The following HDHD5 variants were observed in gnomAD, a reference collection of about 807,000 sequenced individuals.
HDHD5 encodes haloacid dehalogenase-like hydrolase domain-containing 5.
HDHD5 carries 34 observed loss-of-function variants against 35.5 expected under a neutral mutation model. The ratio of observed to expected loss-of-function variants is 0.96; its 90% confidence interval spans 0.73 to 1.28. The LOEUF (loss-of-function observed/expected upper bound fraction) is 1.28. Among genes scored for constraint, HDHD5 ranks in the 50% most tolerant of loss-of-function variants. HDHD5 has a pLI of 0.00. For missense variants in HDHD5, 589 were observed against 560.2 expected, an observed-to-expected ratio of 1.05 and a Z score of -0.52; for synonymous variants, 248 against 240.6, an observed-to-expected ratio of 1.03 and a Z score of -0.29.
At chr22:17,153,917 G>A (rs1054613516) in intron 1 of HDHD5, among the ~76,000 whole-genome samples, 7 of 152,128 alleles carry the variant, frequency 4.6e-5, no homozygotes, top group South Asian at 2.1e-4. Flanking sequence ...TTTTTGTGGC[G>A]TGATCTTGGC....
chr22:17,152,114 T>C (rs1468638541), intron 1 of HDHD5, among the ~76,000 whole-genome samples: 6 of 152,084 alleles, frequency 3.9e-5, no homozygotes, highest in South Asian at 2.1e-4. Context: ...CACTAAGAGA[T>C]AGGCCCACAC....
At chr22:17,141,650 T>G (rs2061602411) in intron 5 of HDHD5, 3 of 1,024,698 alleles carry the variant, frequency 2.9e-6, no homozygotes, top group Non-Finnish European at 3.5e-6. Flanking sequence ...ACAGGGGGTG[T>G]GGAGTGATAG....
In HDHD5 at chr22:17,159,180, A is replaced by AGCCGCGCGC; in HGVS notation, c.63_71dup (p.Arg22_Ala24dup). The stretch of plus-strand genomic sequence containing the variant: ...GGGCGGGGCGGCCCTGGAGCCCCGC[A>AGCCGCGCGC]GCCGCGCGCGCCGCCCGCCAGCAAA... On this transcript the variant is annotated inframe_insertion, in exon 1 of 8. Coordinates refer to ENST00000336737, the MANE Select transcript of HDHD5 (RefSeq NM_033070.3). The AGCCGCGCGC allele has an allele frequency of 8.2e-7, 1 of 1,213,986 alleles. No homozygotes were observed. The highest frequency in any genetic ancestry group is 1.0e-6 in the Non-Finnish European group (1 of 975,688). 75.2% of individuals were successfully genotyped at this position (1,213,986 alleles called of 1,614,324 possible).
chr22:17,145,410 ATC>A (rs2061651026), intron 3 of HDHD5, among the ~76,000 whole-genome samples: 2 of 152,184 alleles, frequency 1.3e-5, no homozygotes, highest in Admixed American at 1.3e-4. Context: ...GCACATAAGA[ATC>A]TCTGTCCCCA....
rs542664494 is a variant in HDHD5, at chr22:17,141,487, G to A, written c.572-254C>T. 1.4e-5 allele frequency: 19 copies of A among 1,318,076 alleles called. No homozygotes were observed. The African/African-American group carries it at 2.3e-4, about 16-fold the overall frequency. 81.6% of individuals were successfully genotyped at this position (1,318,076 alleles called of 1,614,324 possible). ...AGTCCACCAGTGCTTCACAGAAGAGGTTACAAAACAAAAGCAGCATGTCTC... is the reference window on the plus strand; with the variant it reads ...AGTCCACCAGTGCTTCACAGAAGAGATTACAAAACAAAAGCAGCATGTCTC... On this transcript the variant is annotated intron_variant, in intron 5 of 7. Coordinates refer to ENST00000336737, the MANE Select transcript of HDHD5 (RefSeq NM_033070.3).
chr22:17,141,481 G>A, intron 5 of HDHD5: 1 of 1,329,370 alleles, frequency 7.5e-7, no homozygotes, highest in Non-Finnish European at 9.6e-7. Context: ...GTGCTTCACA[G>A]AAGAGGTTAC....
rs2061550987 is a variant in HDHD5 at position 17,137,857 on chromosome 22, T to A, written c.*164A>T. On this transcript the variant is annotated 3_prime_UTR_variant, in exon 8 of 8. Transcript: ENST00000336737. The stretch of plus-strand genomic sequence containing the variant: ...AATGCTACCCAGCAGGGAAAAAGAG[T>A]CACTGTCTTCTTCCAAGTGACCAGT... 4 of 599,350 alleles carry A rather than the reference T, an allele frequency of 6.7e-6. No individual in the cohort carries two copies. Among genetic ancestry groups the A allele is most frequent in the Non-Finnish European group, 8.8e-6 (3 of 342,522 alleles). The allele number at this position is 599,350 out of a possible 1,614,324, so 37.1% of individuals were successfully genotyped here.
upstream of HDHD5, among the ~76,000 whole-genome samples, chr22:17,160,667 A>T (rs1329781625): frequency 6.6e-6 from 1 of 151,252 alleles, no homozygotes; most frequent in East Asian, 1.9e-4. Context: ...AAAAAATAAT[A>T]ATAATAATAA....
chr22:17,159,853 T>A (rs1003163609), upstream of HDHD5: 2 of 238,698 alleles, frequency 8.4e-6, no homozygotes, highest in East Asian at 1.9e-4. Context: ...AAATGACTAC[T>A]CCAGAGAGGG....
intron 1 of HDHD5, among the ~76,000 whole-genome samples, chr22:17,164,561 A>C (rs1488328401): frequency 2.0e-5 from 3 of 152,182 alleles, no homozygotes; most frequent in Non-Finnish European, 4.4e-5. Context: ...TCATGGTCTA[A>C]GATAGCTGCT....
At chr22:17,150,385 C>T (rs76468113) in intron 1 of HDHD5, among the ~76,000 whole-genome samples, 2,217 of 152,268 alleles carry the variant, frequency 0.015, 51 homozygotes, top group African/African-American at 0.05. Flanking sequence ...CTTACTTAGT[C>T]CTATTCCTGT....
Position 17,159,206 on chromosome 22 carries a change from G to C in HDHD5, c.46C>G (p.Leu16Val), listed in dbSNP as rs1276368053. The C allele has an allele frequency of 2.7e-5, 32 of 1,192,094 alleles. No individual in the cohort carries two copies. Among genetic ancestry groups the C allele is most frequent in the Non-Finnish European group, 3.2e-5 (31 of 965,822 alleles). 73.8% of individuals were successfully genotyped at this position (1,192,094 alleles called of 1,614,324 possible). A position where few individuals can be genotyped will look rare whatever the true frequency, so the allele number is the denominator to read the frequency against. ...CVAALGAARG[L>V]CWRAARAAAG... is the part of the protein sequence containing the mutation. ...GCCGCGCGCGCCGCCCGCCAGCAAA[G>C]CCCACGCGCCGCGCCGAGCGCAGCC... is the stretch of plus-strand genomic sequence containing the variant. Residue 16 changes from leucine (L) to valine (V), a missense_variant, in exon 1 of 8, where the codon CTT becomes GTT. Transcript: ENST00000336737.
chr22:17,159,116 A>AG lies in HDHD5; in HGVS notation c.126+9_126+10insC, dbSNP rs2061838005. On this transcript the variant is annotated intron_variant, in intron 1 of 7. Coordinates refer to ENST00000336737, the MANE Select transcript of HDHD5 (RefSeq NM_033070.3). Reference sequence around the variant, plus strand: ...GGCGAGTGGCTCGGCCAGAACCCGGACGTCCTCACCTGAGCGGGGCCCACA... The same window carrying AG: ...GGCGAGTGGCTCGGCCAGAACCCGGAGCGTCCTCACCTGAGCGGGGCCCACA... The AG allele has an allele frequency of 8.1e-7, 1 of 1,238,810 alleles. No homozygotes were observed. Among genetic ancestry groups the AG allele is most frequent in the Non-Finnish European group, 1.0e-6 (1 of 989,722 alleles). The allele number at this position is 1,238,810 out of a possible 1,614,324, so 76.7% of individuals were successfully genotyped here. A position where few individuals can be genotyped will look rare whatever the true frequency, so the allele number is the denominator to read the frequency against.
At chr22:17,149,980 C>T (rs939030748) in intron 1 of HDHD5, among the ~76,000 whole-genome samples, 5 of 152,092 alleles carry the variant, frequency 3.3e-5, no homozygotes, top group African/African-American at 1.2e-4. Context: ...AGAGTCTTCC[C>T]GTTGCCCAGA....
rs371353677 is a variant in HDHD5 at position 17,138,537 on chromosome 22, G to A, written c.935+13C>T. On this transcript the variant is annotated intron_variant, in intron 7 of 7. Coordinates refer to ENST00000336737, the MANE Select transcript of HDHD5 (RefSeq NM_033070.3). ...TGTCATAAAAGGGACAAAGGAGGGA[G>A]AGCAGAGCCTACCCCACAGCATAGA... 104 of 1,612,020 alleles carry A rather than the reference G, an allele frequency of 6.5e-5. 1 individual carries two copies. The highest frequency in any genetic ancestry group is 7.6e-5 in the Non-Finnish European group (90 of 1,178,820).
At chr22:17,145,701 C>CA (rs2061655058) in intron 3 of HDHD5, among the ~76,000 whole-genome samples, 1 of 151,356 alleles carries the variant, frequency 6.6e-6, no homozygotes, top group Admixed American at 6.6e-5. Flanking sequence ...CAAAAAAAAA[C>CA]AAAAAACTCT....
chr22:17,139,526 TAA>T (rs34738352), intron 6 of HDHD5, among the ~76,000 whole-genome samples: 152 of 144,898 alleles, frequency 1.0e-3, no homozygotes, highest in Middle Eastern at 3.5e-3. Context: ...AGACTCCATC[TAA>T]AAAAAAAAAA....
In HDHD5 at chr22:17,137,802, G is replaced by C; in HGVS notation, c.*219C>G. On this transcript the variant is annotated 3_prime_UTR_variant, in exon 8 of 8. Transcript: ENST00000336737. ...TGCCACGAAAGGCACGTGGGAACTGGGCCCAGAAAATTCCAACCGTTCCAT... is the reference window on the plus strand; with the variant it reads ...TGCCACGAAAGGCACGTGGGAACTGCGCCCAGAAAATTCCAACCGTTCCAT... The C allele has an allele frequency of 1.8e-6, 1 of 549,724 alleles. No homozygotes were observed. Among genetic ancestry groups the C allele is most frequent in the Non-Finnish European group, 3.2e-6 (1 of 307,806 alleles). The allele number at this position is 549,724 out of a possible 1,614,324, so 34.1% of individuals were successfully genotyped here. A position where few individuals can be genotyped will look rare whatever the true frequency, so the allele number is the denominator to read the frequency against.
At chr22:17,143,629 G>A (rs1254226776) in intron 4 of HDHD5, 1 of 154,724 alleles carries the variant, frequency 6.5e-6, no homozygotes, top group Admixed American at 6.5e-5. Context: ...ACTCCCCTGT[G>A]TGGGGCTGTC....
Sources: allele counts gnomAD v4.1 joint callset (sites outside exome capture counted in the v4.1 genomes callset), GRCh38; gene constraint gnomAD v4.1.1; transcripts MANE v1.5; gene names NCBI Gene and HGNC (gene_info 2026-07-23, HGNC 2026-07-21).